Variants in PDZRN3 observed in about 807,000 individuals in gnomAD.
The protein encoded by PDZRN3 is PDZ domain containing ring finger 3, also known as E3 ubiquitin-protein ligase PDZRN3.
In PDZRN3, 38 loss-of-function variants were observed where a neutral mutation model predicts 85.7. That is an observed-to-expected ratio of 0.44 (90% CI 0.34 to 0.58). PDZRN3 has a LOEUF of 0.58. Ranked by LOEUF, PDZRN3 falls within the 20% of genes least tolerant of loss-of-function variation. PDZRN3 has a pLI of 0.01. For synonymous variants in PDZRN3, 759 were observed against 638.0 expected (o/e 1.19, Z -2.86); for missense variants, 1,629 against 1,506.4 (o/e 1.08, Z -1.35).
intron 3 of PDZRN3, among the ~76,000 whole-genome samples, chr3:73,532,671 C>T (rs1298346879): frequency 6.6e-6 from 1 of 152,190 alleles, no homozygotes; most frequent in Non-Finnish European, 1.5e-5. Context: ...CTGCTTTCCA[C>T]TAAACACCCT....
At chr3:73,389,979 T>A in intron 6 of PDZRN3, 101 bp from the exon 7 acceptor site, 1 of 857,972 alleles carries the variant, frequency 1.2e-6, no homozygotes, top group Admixed American at 1.8e-5. Flanking sequence ...TGCTCACCCC[T>A]GTGTTTCTGT....
rs1196865835 is a variant in PDZRN3, at chr3:73,565,786, A to AACACAAACAC, written c.918+36567_918+36568insGTGTTTGTGT. On this transcript the variant is annotated intron_variant, in intron 3 of 9. Transcript: ENST00000263666. ...AACCCTGTCTCTACTAAAAATACAA[A>AACACAAACAC]ACACACACACACACACACACACACA... Among the ~76,000 whole-genome samples the AACACAAACAC allele has an allele frequency of 6.6e-3, 249 of 37,958 alleles. 2 individuals carry two copies. Among genetic ancestry groups the AACACAAACAC allele is most frequent in the African/African-American group, 0.011 (233 of 21,308 alleles). 24.9% of individuals were successfully genotyped at this position (37,958 alleles called of 152,430 possible). A position where few individuals can be genotyped will look rare whatever the true frequency, so the allele number is the denominator to read the frequency against.
chr3:73,491,330 A>C (rs4384898), intron 3 of PDZRN3, among the ~76,000 whole-genome samples: 39,867 of 152,094 alleles, frequency 0.26, 6,482 homozygotes, highest in Non-Finnish European at 0.38. Flanking sequence ...AGATGCAGCC[A>C]GGAGGGGAAT....
At chr3:73,441,155 C>T (rs370416051) in intron 3 of PDZRN3, among the ~76,000 whole-genome samples, 2 of 152,132 alleles carry the variant, frequency 1.3e-5, no homozygotes, top group African/African-American at 2.4e-5. Context: ...TGGCTCACGC[C>T]TGTAATCCCA....
At chr3:73,541,148 T>A (rs1024064091) in intron 3 of PDZRN3, among the ~76,000 whole-genome samples, 1 of 152,190 alleles carries the variant, frequency 6.6e-6, no homozygotes, top group Non-Finnish European at 1.5e-5. Flanking sequence ...TAAAATATGC[T>A]CAAATTGACT....
intron 3 of PDZRN3, among the ~76,000 whole-genome samples, chr3:73,483,328 C>A (rs1390748278): frequency 1.3e-5 from 2 of 152,206 alleles, no homozygotes; most frequent in Non-Finnish European, 2.9e-5. Context: ...GAGCAGTTGA[C>A]TTAAACCCTT....
intron 1 of PDZRN3, among the ~76,000 whole-genome samples, chr3:73,610,811 C>T (rs529480278): frequency 1.1e-4 from 16 of 151,936 alleles, no homozygotes; most frequent in Non-Finnish European, 1.9e-4. Flanking sequence ...ACCACTTATT[C>T]AAGAAAAAAA....
At chr3:73,584,357 C>T (rs1215563923) in intron 3 of PDZRN3, among the ~76,000 whole-genome samples, 1 of 151,950 alleles carries the variant, frequency 6.6e-6, no homozygotes, top group Non-Finnish European at 1.5e-5. Flanking sequence ...CAGACAGACC[C>T]TTTCACTTTG....
intron 3 of PDZRN3, among the ~76,000 whole-genome samples, chr3:73,479,835 T>C (rs1361147569): frequency 6.6e-6 from 1 of 152,060 alleles, no homozygotes; most frequent in Non-Finnish European, 1.5e-5. Flanking sequence ...CATACATGGC[T>C]ATAGGTGGTA....
Position 73,385,727 on chromosome 3 carries a change from T to C in PDZRN3, c.1577A>G (p.Asp526Gly). Residue 526 changes from aspartate to glycine, a missense_variant, in exon 9 of 10, where the codon GAC becomes GGC. Transcript: ENST00000263666. ...RNDFLDDLHMDMLEEQHHQAM... is the reference protein window; with the variant it reads ...RNDFLDDLHMGMLEEQHHQAM... Reference sequence around the variant, plus strand: ...CTGGTGGTGCTGCTCCTCCAGCATGTCCATGTGCAGGTCATCCAGAAAGTC... The same window carrying C: ...CTGGTGGTGCTGCTCCTCCAGCATGCCCATGTGCAGGTCATCCAGAAAGTC... 6.2e-6 allele frequency: 10 copies of C among 1,614,062 alleles called. No homozygotes were observed. The highest frequency in any genetic ancestry group is 3.3e-4 in the Middle Eastern group (2 of 6,062).
chr3:73,538,695 G>A (rs1425180584), intron 3 of PDZRN3, among the ~76,000 whole-genome samples: 1 of 152,168 alleles, frequency 6.6e-6, no homozygotes, highest in Non-Finnish European at 1.5e-5. Context: ...AGTTTTGCAA[G>A]CCTTGTTTTG....
chr3:73,387,777 G>C lies in PDZRN3; in HGVS notation c.1518+191C>G, dbSNP rs527937134. On this transcript the variant is annotated intron_variant, in intron 8 of 9. Transcript: ENST00000263666. ...CGTGGGCCTGCAGTATAGATGCCAG[G>C]GTGGGCATCTAACCAACCTTAAATG... 3.3e-5 allele frequency among the ~76,000 whole-genome samples: 5 copies of C among 152,164 alleles called. No individual in the cohort carries two copies. The South Asian group carries it at 1.0e-3, about 32-fold the overall frequency.
intron 7 of PDZRN3, among the ~76,000 whole-genome samples, chr3:73,389,037 C>T (rs1232367154): frequency 6.6e-6 from 1 of 150,604 alleles, no homozygotes; most frequent in African/African-American, 2.4e-5. Flanking sequence ...CTGAGCAGCA[C>T]AGGTTCTGGC....
At chr3:73,495,480 T>C (rs917976932) in intron 3 of PDZRN3, among the ~76,000 whole-genome samples, 5 of 152,246 alleles carry the variant, frequency 3.3e-5, no homozygotes, top group Non-Finnish European at 5.9e-5. Context: ...ATGTATTATT[T>C]TGTAACTTTT....
intron 3 of PDZRN3, among the ~76,000 whole-genome samples, chr3:73,462,293 A>G (rs1489846799): frequency 6.6e-6 from 1 of 152,120 alleles, no homozygotes; most frequent in African/African-American, 2.4e-5. Context: ...GAACCTTTAA[A>G]AAAGGAACTT....
intron 3 of PDZRN3, among the ~76,000 whole-genome samples, chr3:73,510,577 T>C (rs1332332941): frequency 6.6e-6 from 1 of 152,168 alleles, no homozygotes; most frequent in Non-Finnish European, 1.5e-5. Flanking sequence ...ATAACATTCA[T>C]AGAGATCGAC....
Position 73,383,701 on chromosome 3 carries a change from G to T in PDZRN3, c.2865C>A (p.Ser955Arg), listed in dbSNP as rs1703312413. ...CCGCGTCGTCGTCGGTGGTCATGCC[G>T]CTGCGCTCTTCCCGGATCTTCAGGG... ...ERALKIREER[S>R]GMTTDDDAVS... Residue 955 changes from serine (S) to arginine (R), a missense_variant, in exon 10 of 10, where the codon AGC (serine) becomes AGA (arginine). Coordinates refer to ENST00000263666, the MANE Select transcript of PDZRN3 (RefSeq NM_015009.3). 3.1e-6 allele frequency: 5 copies of T among 1,611,298 alleles called. No homozygotes were observed. Among genetic ancestry groups the T allele is most frequent in the Non-Finnish European group, 3.4e-6 (4 of 1,180,000 alleles).
chr3:73,579,213 A>C (rs1702164468), intron 3 of PDZRN3, among the ~76,000 whole-genome samples: 2 of 152,186 alleles, frequency 1.3e-5, no homozygotes, highest in Admixed American at 1.3e-4. Context: ...GAAAGCAAGA[A>C]GGTACCATCT....
chr3:73,390,908 G>C, intron 6 of PDZRN3, 110 bp downstream of exon 6: 1 of 703,416 alleles, frequency 1.4e-6, no homozygotes, highest in Non-Finnish European at 2.5e-6. Context: ...AGAATAATTT[G>C]TGTCTTTCCA....
Sources: allele counts gnomAD v4.1 joint callset (sites outside exome capture counted in the v4.1 genomes callset), GRCh38; gene constraint gnomAD v4.1.1; transcripts MANE v1.5; gene names NCBI Gene and HGNC (gene_info 2026-07-23, HGNC 2026-07-21).